The following SORD variants were observed in gnomAD, a reference collection of about 807,000 sequenced individuals.
The protein encoded by SORD is sorbitol dehydrogenase, also known as (R,R)-butanediol dehydrogenase.
Under a neutral mutation model 35.6 loss-of-function variants are expected in SORD, and 18 were observed. The observed-to-expected ratio is 0.51, with a 90% CI of 0.35 to 0.75. The LOEUF is 0.75. Among genes scored for constraint, SORD ranks in the 30% least tolerant of loss-of-function variants. SORD has a pLI of 0.01. For synonymous variants in SORD, 106 were observed against 152.9 expected (o/e 0.69, Z 2.26); for missense variants, 250 against 390.2 (o/e 0.64, Z 3.03).
intron 7 of SORD, among the ~76,000 whole-genome samples, chr15:45,071,056 C>T (rs1893504737): frequency 6.6e-6 from 1 of 152,256 alleles, no homozygotes; most frequent in Non-Finnish European, 1.5e-5. Context: ...CAAATCTGAG[C>T]ATCGCCATCC....
intron 1 of SORD, among the ~76,000 whole-genome samples, chr15:45,024,128 A>T (rs1169588896): frequency 6.6e-6 from 1 of 152,146 alleles, no homozygotes; most frequent in Non-Finnish European, 1.5e-5. Context: ...AAAGTTTAGG[A>T]AGTGGCTGAG....
chr15:45,035,776 C>G (rs1892855649), intron 1 of SORD, among the ~76,000 whole-genome samples: 1 of 152,068 alleles, frequency 6.6e-6, no homozygotes, highest in Non-Finnish European at 1.5e-5. Flanking sequence ...AGCGAGACCA[C>G]GAGCCCACCG....
intron 1 of SORD, among the ~76,000 whole-genome samples, chr15:45,039,183 C>T (rs1366523799): frequency 6.6e-6 from 1 of 151,910 alleles, no homozygotes; most frequent in Non-Finnish European, 1.5e-5. Flanking sequence ...GGCTGAAGTG[C>T]ACTGGCACAA....
intron 5 of SORD, 35 bp from the exon 6 acceptor site, chr15:45,068,146 T>C (rs1727037979): frequency 6.4e-7 from 1 of 1,568,880 alleles, no homozygotes; most frequent in Non-Finnish European, 8.8e-7. Flanking sequence ...ATGTTTAATA[T>C]TTCACGAACA....
At chr15:45,050,177 G>T (rs1333162281) in intron 3 of SORD, among the ~76,000 whole-genome samples, 1 of 152,168 alleles carries the variant, frequency 6.6e-6, no homozygotes, top group Non-Finnish European at 1.5e-5. Context: ...TGCCTCCTGG[G>T]TTCATGCCAT....
At chr15:45,042,730 A>C (rs7165595) in intron 2 of SORD, among the ~76,000 whole-genome samples, 22,719 of 151,218 alleles carry the variant, frequency 0.15, 1,827 homozygotes, top group African/African-American at 0.23. Flanking sequence ...CTAATGATAT[A>C]TTGTTTACCC....
In SORD at chr15:45,063,051, T is replaced by A. The variant is rs1311978305; in HGVS notation, c.425+1825T>A. 2.1e-5 allele frequency among the ~76,000 whole-genome samples: 3 copies of A among 145,662 alleles called. No individual in the cohort carries two copies. The East Asian group carries it at 5.9e-4, about 28-fold the overall frequency. ...TGAAAGAGAGCCTTGTGCTGGTGGT[T>A]TATAGGGAATGATGGGGCTCTGGCT... On this transcript the variant is annotated intron_variant, in intron 4 of 8. Coordinates refer to ENST00000267814, the MANE Select transcript of SORD (RefSeq NM_003104.6).
intron 1 of SORD, among the ~76,000 whole-genome samples, chr15:45,026,202 T>C (rs115657876): frequency 6.6e-6 from 1 of 152,318 alleles, no homozygotes; most frequent in African/African-American, 2.4e-5. Flanking sequence ...TCCTCCATCT[T>C]TTCCTTAAGA....
rs1893551510 is a variant in SORD at position 45,073,681 on chromosome 15, T to C, written c.*151T>C. Reference sequence around the variant, plus strand: ...GAACAGAAGTCCTTAAGCAGAGGAATTGGTGTGCCTTAAAGATACAATCTG... The same window carrying C: ...GAACAGAAGTCCTTAAGCAGAGGAACTGGTGTGCCTTAAAGATACAATCTG... On this transcript the variant is annotated 3_prime_UTR_variant, in exon 9 of 9. Transcript: ENST00000267814. 7.8e-6 allele frequency: 10 copies of C among 1,289,096 alleles called. No individual in the cohort carries two copies. Among genetic ancestry groups the C allele is most frequent in the Non-Finnish European group, 1.0e-5 (10 of 962,270 alleles). The allele number at this position is 1,289,096 out of a possible 1,614,324, so 79.9% of individuals were successfully genotyped here. A position where few individuals can be genotyped will look rare whatever the true frequency, so the allele number is the denominator to read the frequency against.
chr15:45,046,954 G>T (rs1345365014), intron 3 of SORD: 1 of 152,210 alleles, frequency 6.6e-6, no homozygotes, highest in Non-Finnish European at 1.5e-5. Context: ...GGAGGTAGAG[G>T]TTGCAGTGAG....
intron 3 of SORD, 132 bp downstream of exon 3, chr15:45,043,553 C>CT (rs1187143552): frequency 1.7e-6 from 1 of 577,022 alleles, no homozygotes; most frequent in East Asian, 2.9e-5. Flanking sequence ...TCACATGGAT[C>CT]TTACCTTACA....
chr15:45,050,303 G>A (rs908240193), intron 3 of SORD, among the ~76,000 whole-genome samples: 1 of 152,126 alleles, frequency 6.6e-6, no homozygotes, highest in African/African-American at 2.4e-5. Flanking sequence ...GGATGGTCTC[G>A]ATCTCCTGAC....
At chr15:45,032,345 GAA>G (rs1566957118) in intron 1 of SORD, among the ~76,000 whole-genome samples, 1 of 151,978 alleles carries the variant, frequency 6.6e-6, no homozygotes, top group African/African-American at 2.4e-5. Context: ...TAACTAGAAG[GAA>G]AAAAAGACTC....
At chr15:45,053,304 C>T (rs1893158810) in intron 3 of SORD, among the ~76,000 whole-genome samples, 1 of 152,198 alleles carries the variant, frequency 6.6e-6, no homozygotes, top group African/African-American at 2.4e-5. Flanking sequence ...AGATTCTGAA[C>T]TCCCCAGAGA....
chr15:45,067,400 A>C (rs1893424629), intron 5 of SORD, among the ~76,000 whole-genome samples: 1 of 152,194 alleles, frequency 6.6e-6, no homozygotes, highest in African/African-American at 2.4e-5. Context: ...CAATAGATAA[A>C]GAGTTATGGC....
At chr15:45,033,005 C>T (rs1419724021) in intron 1 of SORD, among the ~76,000 whole-genome samples, 31 of 152,064 alleles carry the variant, frequency 2.0e-4, no homozygotes, top group African/African-American at 7.5e-4. Context: ...TGGGATGAGA[C>T]CAGCACTTTC....
chr15:45,066,031 G>A (rs554178909), intron 5 of SORD, among the ~76,000 whole-genome samples: 1 of 152,114 alleles, frequency 6.6e-6, no homozygotes, highest in African/African-American at 2.4e-5. Context: ...ATCACTTGAG[G>A]CCAAAAGTTC....
At chr15:45,026,876 A>G (rs1332963122) in intron 1 of SORD, among the ~76,000 whole-genome samples, 2 of 151,812 alleles carry the variant, frequency 1.3e-5, no homozygotes, top group Non-Finnish European at 2.9e-5. Flanking sequence ...ATGCGACCTT[A>G]GTCCACTTTA....
intron 1 of SORD, among the ~76,000 whole-genome samples, chr15:45,028,654 A>AG (rs199975398): frequency 0.21 from 31,115 of 150,610 alleles, no homozygotes; most frequent in African/African-American, 0.44. Context: ...AAGGGCAGAA[A>AG]AATTAATATA....
Sources: gnomAD v4.1 joint callset for allele counts (sites outside exome capture counted in the v4.1 genomes callset) on GRCh38, gnomAD v4.1.1 for gene constraint, MANE v1.5 for transcripts, NCBI Gene and HGNC (gene_info 2026-07-23, HGNC 2026-07-21) for gene names.